PXDNL: variants seen among roughly 807,000 people sequenced by gnomAD.
The protein encoded by PXDNL is probable oxidoreductase PXDNL.
A neutral mutation model predicts 150.8 loss-of-function variants in PXDNL; 145 were observed. That is an observed-to-expected ratio of 0.96 (90% CI 0.84 to 1.10). The LOEUF is 1.10. PXDNL is among the 50% of genes least tolerant of loss of function. The probability of loss-of-function intolerance (pLI) is 0.00; values close to 1 mark genes in which losing one functional copy is unlikely to be tolerated. For synonymous variants in PXDNL, 757 were observed against 725.7 expected (o/e 1.04, Z -0.69); for missense variants, 2,087 against 1,873.9 (o/e 1.11, Z -2.10).
At chr8:51,516,183 A>T (rs1431652749) in intron 4 of PXDNL, among the ~76,000 whole-genome samples, 1 of 152,252 alleles carries the variant, frequency 6.6e-6, no homozygotes, top group Non-Finnish European at 1.5e-5. Context: ...GATCATTCTG[A>T]GATGAGTAAC....
At position 51,449,067 on chromosome 8, in the gene PXDNL, T is replaced by C. The variant is rs199987146; in HGVS notation, c.1301A>G (p.His434Arg). The change falls in exon 11 of 23, where the codon CAT becomes CGT. Residue 434 changes from histidine (H) to arginine (R), a missense_variant. Physicochemically the swap from His to Arg is conservative, Grantham distance 29. Transcript: ENST00000356297. Reference protein sequence around the residue: ...TPKDQVVLEEHAVEWLCEADG... With the variant: ...TPKDQVVLEERAVEWLCEADG... ...AGCTTCACAGAGCCACTCTACAGCA[T>C]GTTCTTCCAGCACCACTTGATCCTT... The C allele has an allele frequency of 8.0e-5, 125 of 1,553,330 alleles. No homozygotes were observed. The highest frequency in any genetic ancestry group is 3.3e-4 in the Middle Eastern group (2 of 6,016).
chr8:51,655,235 A>G (rs1055337844), intron 1 of PXDNL, among the ~76,000 whole-genome samples: 6 of 152,352 alleles, frequency 3.9e-5, no homozygotes, highest in Non-Finnish European at 7.3e-5. Flanking sequence ...GGCCTTCTAC[A>G]AAGTATTAAA....
chr8:51,614,048 T>C (rs574630590), intron 2 of PXDNL, among the ~76,000 whole-genome samples: 1 of 152,330 alleles, frequency 6.6e-6, no homozygotes, highest in South Asian at 2.1e-4. Context: ...TGTGCCATCT[T>C]CATATTTTGT....
chr8:51,800,869 T>C (rs1257624792), intron 1 of PXDNL, among the ~76,000 whole-genome samples: 2 of 152,192 alleles, frequency 1.3e-5, no homozygotes, highest in East Asian at 3.8e-4. Flanking sequence ...AAATTGATTA[T>C]AGAACATGTG....
intron 2 of PXDNL, among the ~76,000 whole-genome samples, chr8:51,648,162 A>G (rs952985860): frequency 2.6e-5 from 4 of 152,222 alleles, no homozygotes; most frequent in African/African-American, 9.6e-5. Context: ...ACCACCGCCA[A>G]TCATAACTAA....
intron 4 of PXDNL, among the ~76,000 whole-genome samples, chr8:51,543,548 T>C (rs1812270032): frequency 6.6e-6 from 1 of 151,478 alleles, no homozygotes; most frequent in Non-Finnish European, 1.5e-5. Flanking sequence ...CCTTCTCTAC[T>C]AAAAATACAA....
intron 13 of PXDNL, among the ~76,000 whole-genome samples, chr8:51,424,742 A>G (rs1429159202): frequency 1.3e-5 from 2 of 152,306 alleles, no homozygotes; most frequent in Non-Finnish European, 1.5e-5. Flanking sequence ...GACTCACAGG[A>G]AACAGAGGAT....
intron 3 of PXDNL, among the ~76,000 whole-genome samples, chr8:51,592,218 A>G (rs998852535): frequency 1.3e-5 from 2 of 152,208 alleles, no homozygotes; most frequent in African/African-American, 4.8e-5. Flanking sequence ...AACTAACTGT[A>G]ATGTGTTCAC....
chr8:51,779,153 A>G (rs1347983204), intron 1 of PXDNL, among the ~76,000 whole-genome samples: 2 of 152,218 alleles, frequency 1.3e-5, no homozygotes, highest in Non-Finnish European at 2.9e-5. Flanking sequence ...CTATGCATAG[A>G]TATTAACATT....
In PXDNL at chr8:51,682,259, G is replaced by A. The variant is rs79205847; in HGVS notation, c.165-27499C>T. Among the ~76,000 whole-genome samples, 761 of 152,274 alleles carry A rather than the reference G, an allele frequency of 5.0e-3. 3 individuals are homozygous for A. The highest frequency in any genetic ancestry group is 0.017 in the African/African-American group (714 of 41,544). On this transcript the variant is annotated intron_variant, in intron 1 of 22. Transcript: ENST00000356297. ...CCAGCCAGGGAATTTTTATTTGAAA[G>A]GACTGCCAAAACAGTTGGCATTTTC...
At chr8:51,484,449 A>AAT (rs397759183) in intron 5 of PXDNL, among the ~76,000 whole-genome samples, 1 of 150,646 alleles carries the variant, frequency 6.6e-6, no homozygotes, top group Admixed American at 6.6e-5. Flanking sequence ...AAAAAAAAAA[A>AAT]GGCACAACAA....
chr8:51,390,992 G>A (rs1165423612), intron 17 of PXDNL, among the ~76,000 whole-genome samples: 28 of 151,948 alleles, frequency 1.8e-4, no homozygotes, highest in African/African-American at 4.6e-4. Context: ...GAGAACATGC[G>A]GTGTTTGGTT....
intron 2 of PXDNL, among the ~76,000 whole-genome samples, chr8:51,640,393 A>G (rs564059556): frequency 3.8e-4 from 58 of 152,306 alleles, no homozygotes; most frequent in African/African-American, 1.3e-3. Context: ...GTATTCAATT[A>G]GGAAAAGAGG....
chr8:51,696,399 A>C (rs747592003), intron 1 of PXDNL, among the ~76,000 whole-genome samples: 75 of 152,220 alleles, frequency 4.9e-4, no homozygotes, highest in Non-Finnish European at 1.0e-3. Flanking sequence ...GATTCTCACT[A>C]TGCTGGCACC....
intron 3 of PXDNL, among the ~76,000 whole-genome samples, chr8:51,579,710 T>A (rs1308774392): frequency 6.6e-6 from 1 of 152,062 alleles, no homozygotes; most frequent in African/African-American, 2.4e-5. Context: ...AGCCAGAAAC[T>A]GGAAATAACT....
intron 19 of PXDNL, among the ~76,000 whole-genome samples, chr8:51,359,529 C>A (rs531566010): frequency 1.3e-5 from 2 of 151,030 alleles, no homozygotes; most frequent in African/African-American, 4.9e-5. Context: ...GGAGGGTAGA[C>A]CTAATGCTCA....
At chr8:51,598,217 C>A (rs900923346) in intron 2 of PXDNL, among the ~76,000 whole-genome samples, 1 of 151,942 alleles carries the variant, frequency 6.6e-6, no homozygotes. Context: ...ATTTTGATGC[C>A]TTTTATTTCT....
intron 17 of PXDNL, among the ~76,000 whole-genome samples, chr8:51,380,236 G>C (rs1188366055): frequency 6.6e-6 from 1 of 152,172 alleles, no homozygotes; most frequent in East Asian, 1.9e-4. Flanking sequence ...ACAAGCTGCA[G>C]GTTGGACAAG....
chr8:51,415,050 C>T (rs1268691328), intron 14 of PXDNL, among the ~76,000 whole-genome samples: 1 of 152,020 alleles, frequency 6.6e-6, no homozygotes, highest in Non-Finnish European at 1.5e-5. Context: ...TATTTAGAGC[C>T]TTCTTTGGCG....
Sources: gnomAD v4.1 joint callset for allele counts (sites outside exome capture counted in the v4.1 genomes callset) on GRCh38, gnomAD v4.1.1 for gene constraint, MANE v1.5 for transcripts, NCBI Gene and HGNC (gene_info 2026-07-23, HGNC 2026-07-21) for gene names.